The following VEZT variants were observed in gnomAD, a reference collection of about 807,000 sequenced individuals.
VEZT encodes the protein vezatin, adherens junctions transmembrane protein.
In VEZT, 39 loss-of-function variants were observed where a neutral mutation model predicts 79.9. That is an observed-to-expected ratio of 0.49 (90% CI 0.38 to 0.64). The LOEUF is 0.64. VEZT is among the 30% of genes least tolerant of loss of function. The probability of loss-of-function intolerance (pLI) is 0.00; values close to 1 mark genes in which losing one functional copy is unlikely to be tolerated. For missense variants in VEZT, 837 were observed against 893.1 expected (o/e 0.94, Z 0.80); for synonymous variants, 325 against 327.6 (o/e 0.99, Z 0.09).
chr12:95,242,372 G>A (rs2061139121), intron 1 of VEZT: 1 of 152,214 alleles, frequency 6.6e-6, no homozygotes, highest in South Asian at 2.1e-4. Flanking sequence ...GAGACTATTA[G>A]ATAGAAGTTT....
At chr12:95,254,642 C>A (rs1302195398) in intron 2 of VEZT, among the ~76,000 whole-genome samples, 1 of 152,236 alleles carries the variant, frequency 6.6e-6, no homozygotes, top group African/African-American at 2.4e-5. Context: ...CCATGCCCGA[C>A]CAATTTTTTT....
At chr12:95,223,702 C>T (rs1404495303) in intron 1 of VEZT, among the ~76,000 whole-genome samples, 2 of 152,298 alleles carry the variant, frequency 1.3e-5, no homozygotes, top group Non-Finnish European at 2.9e-5. Flanking sequence ...CCACCCACCT[C>T]GGCCTACCAA....
At chr12:95,271,314 T>G (rs1345488379) in intron 6 of VEZT, among the ~76,000 whole-genome samples, 1 of 152,234 alleles carries the variant, frequency 6.6e-6, no homozygotes, top group African/African-American at 2.4e-5. Context: ...CAGCCATTCT[T>G]CCAGGTGCTA....
At position 95,251,526 on chromosome 12, in the gene VEZT, A is replaced by G. The variant is rs552376802; in HGVS notation, c.37-414A>G. On this transcript the variant is annotated intron_variant, in intron 1 of 11. Coordinates refer to ENST00000436874, the MANE Select transcript of VEZT (RefSeq NM_017599.4). ...TGATAAAAATATTATAATTCATACA[A>G]TATAATCATTGTTTAATTATTCTTG... Among the ~76,000 whole-genome samples the G allele has an allele frequency of 4.6e-4, 70 of 152,358 alleles. No individual in the cohort carries two copies. In the South Asian group the frequency reaches 0.014, roughly 30 times the overall value.
intron 1 of VEZT, chr12:95,218,184 CGGG>C (rs5800194): frequency 3.6e-6 from 1 of 275,614 alleles, no homozygotes; most frequent in Non-Finnish European, 6.8e-6. Flanking sequence ...GGATGTGCGG[CGGG>C]GGGGACTGCG....
At chr12:95,255,519 C>T (rs1012966877) in intron 2 of VEZT, among the ~76,000 whole-genome samples, 1 of 152,340 alleles carries the variant, frequency 6.6e-6, no homozygotes, top group Admixed American at 6.5e-5. Flanking sequence ...GCAACCTCCA[C>T]CTCCCGGGTG....
In VEZT at chr12:95,278,060, G is replaced by A. The variant is rs150306890; in HGVS notation, c.996+3171G>A. Reference sequence around the variant, plus strand: ...ATTTTCCAGGTTTCACTCTAGCTCCGTTATTTGACTACTGTGTGGTCCTGA... The same window carrying A: ...ATTTTCCAGGTTTCACTCTAGCTCCATTATTTGACTACTGTGTGGTCCTGA... On this transcript the variant is annotated intron_variant, in intron 7 of 11. Transcript: ENST00000436874. 4.5e-3 allele frequency among the ~76,000 whole-genome samples: 688 copies of A among 152,284 alleles called. 8 individuals are homozygous for A. The highest frequency in any genetic ancestry group is 0.016 in the African/African-American group (656 of 41,542).
chr12:95,225,815 G>A (rs1016135183), intron 1 of VEZT, among the ~76,000 whole-genome samples: 2 of 141,872 alleles, frequency 1.4e-5, no homozygotes, highest in Non-Finnish European at 3.0e-5. Flanking sequence ...ATGGAGGGAA[G>A]AGAAGGAATG....
intron 1 of VEZT, among the ~76,000 whole-genome samples, chr12:95,220,102 T>G (rs1282236890): frequency 6.6e-6 from 1 of 152,186 alleles, no homozygotes; most frequent in South Asian, 2.1e-4. Flanking sequence ...AGATCACAAG[T>G]GTGTGGATGG....
At chr12:95,260,980 A>G (rs1225425746) in intron 3 of VEZT, among the ~76,000 whole-genome samples, 1 of 148,742 alleles carries the variant, frequency 6.7e-6, no homozygotes, top group Non-Finnish European at 1.5e-5. Context: ...CTGCAGAGGT[A>G]CATGCAGAGT....
intron 8 of VEZT, 89 bp downstream of exon 8, chr12:95,282,733 A>G: frequency 9.7e-6 from 11 of 1,135,186 alleles, no homozygotes; most frequent in Non-Finnish European, 1.3e-5. Context: ...TGTCCTACCT[A>G]GAAAAAAGAA....
chr12:95,287,748 A>C lies in VEZT; in HGVS notation c.1413A>C (p.Leu471=). The C allele has an allele frequency of 6.2e-7, 1 of 1,604,688 alleles. No individual in the cohort carries two copies. The highest frequency in any genetic ancestry group is 8.5e-7 in the Non-Finnish European group (1 of 1,175,076). The part of the protein sequence containing the change: ...QELVSEAYPI[L]EQKLKLIQPH... The stretch of plus-strand genomic sequence containing the variant: ...TAGTGTCAGAGGCTTATCCCATCCT[A>C]GAACAGAAATTAAAGTTGATTCAGC... The change falls in exon 9 of 12, where the codon CTA becomes CTC. Residue 471 remains leucine, a synonymous_variant. Transcript: ENST00000436874.
intron 7 of VEZT, among the ~76,000 whole-genome samples, chr12:95,279,932 C>G (rs114722461): frequency 6.1e-4 from 93 of 152,276 alleles, no homozygotes; most frequent in African/African-American, 2.2e-3. Flanking sequence ...TTGATTCTTG[C>G]AGTTATCTTG....
rs755162760 is a variant in VEZT, at chr12:95,270,126, C to T, written c.786C>T (p.Val262=). The T allele has an allele frequency of 6.2e-7, 1 of 1,611,500 alleles. No homozygotes were observed. Among genetic ancestry groups the T allele is most frequent in the Non-Finnish European group, 8.5e-7 (1 of 1,178,908 alleles). The part of the protein sequence containing the change: ...SQHLIGLRKA[V]YRTLRANFQA... The stretch of plus-strand genomic sequence containing the variant: ...ATCTCATCGGTCTTCGGAAAGCTGT[C>T]TACCGAACTCTAAGAGCCAACTTCC... Residue 262 remains valine (V), a synonymous_variant, in exon 6 of 12, where the codon GTC becomes GTT. Coordinates refer to ENST00000436874, the MANE Select transcript of VEZT (RefSeq NM_017599.4).
intron 2 of VEZT, 100 bp downstream of exon 2, chr12:95,252,171 G>T: frequency 7.9e-7 from 1 of 1,258,826 alleles, no homozygotes; most frequent in Non-Finnish European, 1.1e-6. Flanking sequence ...CCCTCACACT[G>T]GTAAGACTAT....
chr12:95,252,259 T>G (rs1402910163), intron 2 of VEZT, 188 bp downstream of exon 2: 2 of 475,570 alleles, frequency 4.2e-6, no homozygotes, highest in Non-Finnish European at 6.9e-6. Flanking sequence ...GTAGGTAATT[T>G]ATATCCAGTG....
chr12:95,298,452 G>GGTTTT (rs922549431), intron 11 of VEZT, among the ~76,000 whole-genome samples: 17 of 152,138 alleles, frequency 1.1e-4, no homozygotes, highest in South Asian at 6.2e-4. Flanking sequence ...ATATGTTCAG[G>GGTTTT]GTTTTGTTTT....
chr12:95,289,156 G>A (rs1400428550), intron 9 of VEZT, among the ~76,000 whole-genome samples: 5 of 150,314 alleles, frequency 3.3e-5, no homozygotes, highest in East Asian at 1.9e-4. Context: ...AGTGGCTCAC[G>A]CCTGTAATCC....
intron 7 of VEZT, among the ~76,000 whole-genome samples, chr12:95,281,281 G>A (rs2069030812): frequency 6.6e-6 from 1 of 151,998 alleles, no homozygotes; most frequent in Admixed American, 6.6e-5. Context: ...AAGAAGAATG[G>A]GATTTATCCT....
Sources: gnomAD v4.1 joint callset for allele counts (sites outside exome capture counted in the v4.1 genomes callset) on GRCh38, gnomAD v4.1.1 for gene constraint, MANE v1.5 for transcripts, NCBI Gene and HGNC (gene_info 2026-07-23, HGNC 2026-07-21) for gene names.